DTNA: variants seen among roughly 807,000 people sequenced by gnomAD.
DTNA encodes dystrophin-related protein 3.
A neutral mutation model predicts 100.7 loss-of-function variants in DTNA; 43 were observed. The ratio of observed to expected loss-of-function variants is 0.43; its 90% CI spans 0.33 to 0.55. The LOEUF is 0.55. DTNA is among the 20% of genes least tolerant of loss of function. The probability of loss-of-function intolerance (pLI) is 0.04; values close to 1 mark genes in which losing one functional copy is unlikely to be tolerated. For synonymous variants in DTNA, 349 were observed against 347.9 expected (o/e 1.00, Z -0.04); for missense variants, 798 against 953.9 (o/e 0.84, Z 2.15).
Position 34,891,432 on chromosome 18 carries a change from G to T in DTNA, c.*3698G>T, listed in dbSNP as rs990384079. On this transcript the variant is annotated 3_prime_UTR_variant, in exon 23 of 23. Coordinates refer to ENST00000444659, the MANE Select transcript of DTNA (RefSeq NM_001386795.1). ...TTGGGTGGTTTATTCCTTTGTTTCA[G>T]TGAATCTTTCCTAAAGCAACGTGGA... The T allele has an allele frequency of 3.3e-5, 5 of 152,418 alleles. No homozygotes were observed. Among genetic ancestry groups the T allele is most frequent in the Non-Finnish European group, 7.4e-5 (5 of 67,998 alleles). The allele number at this position is 152,418 out of a possible 1,614,324, so 9.4% of individuals were successfully genotyped here. A position where few individuals can be genotyped will look rare whatever the true frequency, so the allele number is the denominator to read the frequency against.
At chr18:34,685,938 T>C (rs900852418) in intron 1 of DTNA, among the ~76,000 whole-genome samples, 11 of 152,046 alleles carry the variant, frequency 7.2e-5, no homozygotes, top group African/African-American at 2.7e-4. Flanking sequence ...GGCTCTCTGT[T>C]TGTCTATTAC....
At chr18:34,496,791 A>T (rs986787542) in intron 1 of DTNA, among the ~76,000 whole-genome samples, 1 of 152,246 alleles carries the variant, frequency 6.6e-6, no homozygotes, top group African/African-American at 2.4e-5. Flanking sequence ...TCAGAACAAG[A>T]TGCCTGAAAA....
At chr18:34,582,975 C>T (rs2048780294) in intron 1 of DTNA, among the ~76,000 whole-genome samples, 2 of 152,144 alleles carry the variant, frequency 1.3e-5, no homozygotes, top group Admixed American at 1.3e-4. Context: ...TATAAAATGA[C>T]TGCTAAGTAA....
At chr18:34,742,558 C>T (rs1026808) in intron 1 of DTNA, among the ~76,000 whole-genome samples, 11,198 of 139,964 alleles carry the variant, frequency 0.08, 482 homozygotes, top group African/African-American at 0.1. Flanking sequence ...ATCACATCCA[C>T]AAAGTCCCTT....
chr18:34,589,761 T>A (rs779789415), intron 1 of DTNA, among the ~76,000 whole-genome samples: 2 of 151,954 alleles, frequency 1.3e-5, no homozygotes, highest in East Asian at 3.8e-4. Flanking sequence ...TTTTGATCTA[T>A]ATCTTCCCAT....
intron 4 of DTNA, among the ~76,000 whole-genome samples, chr18:34,802,145 G>A (rs1311443353): frequency 6.6e-6 from 1 of 152,236 alleles, no homozygotes; most frequent in Non-Finnish European, 1.5e-5. Context: ...CTTTTTCTGT[G>A]CACTTCCTGA....
At chr18:34,562,290 A>G (rs1341110102) in intron 1 of DTNA, among the ~76,000 whole-genome samples, 1 of 152,176 alleles carries the variant, frequency 6.6e-6, no homozygotes, top group Non-Finnish European at 1.5e-5. Flanking sequence ...CACATTTATT[A>G]CTCTCCATTG....
chr18:34,822,469 G>A (rs1252808934), intron 9 of DTNA: 4 of 152,228 alleles, frequency 2.6e-5, no homozygotes, highest in African/African-American at 9.7e-5. Context: ...AAGATAGAGG[G>A]TGTGGGTGTG....
rs368239438 is a variant in DTNA at position 34,851,797 on chromosome 18, C to T, written c.1435-34C>T. On this transcript the variant is annotated intron_variant, in intron 14 of 22. Transcript: ENST00000444659. ...TCCCAAATACATAGGTTCACATTCT[C>T]AATATGAAATCTTATAAACTACATA... 5.6e-6 allele frequency: 9 copies of T among 1,597,686 alleles called. 1 individual carries two copies. In the South Asian group the frequency reaches 6.6e-5, roughly 12 times the overall value.
At chr18:34,613,995 G>GCTACAAA (rs1201318966) in intron 1 of DTNA, among the ~76,000 whole-genome samples, 1 of 152,150 alleles carries the variant, frequency 6.6e-6, no homozygotes, top group Admixed American at 6.5e-5. Context: ...AAGCTTCAAA[G>GCTACAAA]GATAAGGTGC....
chr18:34,622,587 G>A (rs2056702378), intron 1 of DTNA, among the ~76,000 whole-genome samples: 1 of 152,176 alleles, frequency 6.6e-6, no homozygotes, highest in South Asian at 2.1e-4. Context: ...TGCCCTCAAT[G>A]CGGGCAGGTT....
chr18:34,569,292 C>T (rs2047362278), intron 1 of DTNA, among the ~76,000 whole-genome samples: 1 of 152,180 alleles, frequency 6.6e-6, no homozygotes, highest in Admixed American at 6.5e-5. Context: ...TTAGACCAAA[C>T]TCGCAACAGA....
At chr18:34,852,182 C>T (rs377562621) in intron 15 of DTNA, among the ~76,000 whole-genome samples, 27 of 152,242 alleles carry the variant, frequency 1.8e-4, no homozygotes, top group Admixed American at 5.2e-4. Flanking sequence ...CCCCTCTAGA[C>T]GGTCTCACTT....
intron 3 of DTNA, among the ~76,000 whole-genome samples, chr18:34,778,436 TA>T (rs1454028343): frequency 2.0e-5 from 3 of 152,230 alleles, no homozygotes; most frequent in Non-Finnish European, 4.4e-5. Flanking sequence ...CAATGCTTTT[TA>T]AAAAGGTTGT....
chr18:34,501,759 G>A (rs1373594384), intron 1 of DTNA, among the ~76,000 whole-genome samples: 2 of 152,238 alleles, frequency 1.3e-5, no homozygotes, highest in African/African-American at 4.8e-5. Flanking sequence ...TCATGGAGTT[G>A]GCATATTTGG....
intron 1 of DTNA, among the ~76,000 whole-genome samples, chr18:34,498,422 G>A (rs1043302702): frequency 2.2e-4 from 32 of 144,870 alleles, no homozygotes; most frequent in African/African-American, 8.2e-4. Context: ...AACAGAACGA[G>A]ACTCCATCTC....
chr18:34,630,344 A>C (rs895127265), intron 1 of DTNA, among the ~76,000 whole-genome samples: 2 of 152,180 alleles, frequency 1.3e-5, no homozygotes, highest in Admixed American at 6.5e-5. Flanking sequence ...CTGAATTCAT[A>C]AAATCATAAA....
chr18:34,878,983 G>A (rs186679541), intron 19 of DTNA, among the ~76,000 whole-genome samples: 4 of 152,128 alleles, frequency 2.6e-5, no homozygotes, highest in South Asian at 2.1e-4. Context: ...ATTACCAAAC[G>A]GAATAAAAAG....
intron 1 of DTNA, among the ~76,000 whole-genome samples, chr18:34,624,591 A>G (rs2057047947): frequency 6.6e-6 from 1 of 152,262 alleles, no homozygotes; most frequent in African/African-American, 2.4e-5. Flanking sequence ...TTCTTCCAAA[A>G]GATGGCTACT....
Sources: gnomAD v4.1 joint callset for allele counts (sites outside exome capture counted in the v4.1 genomes callset) on GRCh38, gnomAD v4.1.1 for gene constraint, MANE v1.5 for transcripts, NCBI Gene and HGNC (gene_info 2026-07-23, HGNC 2026-07-21) for gene names.